ZNF790: variants seen among roughly 807,000 people sequenced by gnomAD.
The protein encoded by ZNF790 is zinc finger protein 790.
ZNF790 carries 8 observed loss-of-function variants against 12.1 expected under a neutral mutation model. The observed-to-expected ratio is 0.66, with a 90% CI of 0.39 to 1.19. ZNF790 has a LOEUF of 1.19. ZNF790 is among the 50% of genes most tolerant of loss of function. ZNF790 has a pLI of 0.01. For synonymous variants in ZNF790, 252 were observed against 244.3 expected, an observed-to-expected ratio of 1.03 and a Z score of -0.29; for missense variants, 707 against 752.2, an observed-to-expected ratio of 0.94 and a Z score of 0.70.
chr19:36,827,141 C>CACACACACACACACACACAT (rs1313807327), intron 1 of ZNF790, among the ~76,000 whole-genome samples: 2 of 84,444 alleles, frequency 2.4e-5, no homozygotes, highest in African/African-American at 5.5e-5. Flanking sequence ...CACACACACA[C>CACACACACACACACACACAT]ATATATATAT....
upstream of ZNF790, among the ~76,000 whole-genome samples, chr19:36,843,146 A>G (rs2072145429): frequency 6.6e-6 from 1 of 152,222 alleles, no homozygotes; most frequent in Admixed American, 6.5e-5. Flanking sequence ...CAAAGGGCAG[A>G]AGGATCCAGA....
chr19:36,833,341 C>G (rs937065845), intron 1 of ZNF790, among the ~76,000 whole-genome samples: 1 of 152,168 alleles, frequency 6.6e-6, no homozygotes, highest in Non-Finnish European at 1.5e-5. Context: ...CAGAGTTTCA[C>G]CATATTGGTC....
At chr19:36,850,318 G>A (rs1043336225), upstream of ZNF790, 1 of 152,330 alleles carries the variant, frequency 6.6e-6, no homozygotes, top group Non-Finnish European at 1.5e-5. Context: ...TATGTCTCCC[G>A]AGGAGGGGCG....
intron 1 of ZNF790, among the ~76,000 whole-genome samples, chr19:36,835,288 A>C (rs1568341340): frequency 7.2e-6 from 1 of 139,114 alleles, no homozygotes; most frequent in Non-Finnish European, 1.5e-5. Context: ...CTCAAAAAAA[A>C]TAAAATAAAA....
chr19:36,842,360 A>G (rs1286749435), upstream of ZNF790, among the ~76,000 whole-genome samples: 2 of 152,190 alleles, frequency 1.3e-5, no homozygotes, highest in African/African-American at 4.8e-5. Flanking sequence ...ATATTATAAA[A>G]TGTGCCTATA....
At position 36,819,400 on chromosome 19, in the gene ZNF790, C is replaced by T. The variant is rs755466621; in HGVS notation, c.944G>A (p.Cys315Tyr). 4.1e-5 allele frequency: 66 copies of T among 1,612,152 alleles called. No homozygotes were observed. The highest frequency in any genetic ancestry group is 5.2e-5 in the Non-Finnish European group (61 of 1,179,112). ...TGATCGCTGACTAAAGGCCTTTCTA[C>T]ATTCATTACATTCATAGGGTTTTTC... The part of the protein sequence containing the change: ...TGEKPYECNE[C>Y]RKAFSQRSHL... Residue 315 changes from cysteine (C) to tyrosine (Y), a missense_variant, in exon 5 of 5, where the codon TGT becomes TAT. Coordinates refer to ENST00000356725, the MANE Select transcript of ZNF790 (RefSeq NM_206894.4).
intron 2 of ZNF790, among the ~76,000 whole-genome samples, chr19:36,824,083 G>A (rs1243799682): frequency 1.4e-5 from 2 of 143,094 alleles, no homozygotes; most frequent in Non-Finnish European, 3.0e-5. Flanking sequence ...TGCAAGCTCC[G>A]CCTCCCGGGT....
chr19:36,825,004 A>G (rs1225737590), intron 2 of ZNF790, among the ~76,000 whole-genome samples: 1 of 152,050 alleles, frequency 6.6e-6, no homozygotes, highest in Non-Finnish European at 1.5e-5. Flanking sequence ...TCAGTGTCAT[A>G]AGTGATTACT....
At chr19:36,843,312 G>A (rs1460074944), upstream of ZNF790, among the ~76,000 whole-genome samples, 2 of 152,190 alleles carry the variant, frequency 1.3e-5, no homozygotes, top group Non-Finnish European at 2.9e-5. Flanking sequence ...GTTGGGTCAG[G>A]AGGCTCAGGA....
At chr19:36,829,492 C>G (rs1342539212) in intron 1 of ZNF790, among the ~76,000 whole-genome samples, 2 of 152,218 alleles carry the variant, frequency 1.3e-5, no homozygotes, top group African/African-American at 4.8e-5. Flanking sequence ...TGAATAATAT[C>G]TCTGCAAATG....
chr19:36,832,470 A>G (rs2071961533), intron 1 of ZNF790, among the ~76,000 whole-genome samples: 1 of 152,162 alleles, frequency 6.6e-6, no homozygotes, highest in Admixed American at 6.6e-5. Flanking sequence ...CTCTGGAGAA[A>G]ACCAGTTGAC....
upstream of ZNF790, among the ~76,000 whole-genome samples, chr19:36,839,254 G>A (rs1356214243): frequency 6.6e-6 from 1 of 152,086 alleles, no homozygotes; most frequent in Non-Finnish European, 1.5e-5. Context: ...AACTTATCAG[G>A]TAACTAAAAT....
At position 36,820,888 on chromosome 19, in the gene ZNF790, C is replaced by CTG. The variant is rs1209190226; in HGVS notation, c.230-776_230-775dup. ...CCAGCATGGGTGACAGAGTGAGACC[C>CTG]TGTCTTTTTTTTTTTTTTTTTTTTA... On this transcript the variant is annotated intron_variant, in intron 4 of 4. Coordinates refer to ENST00000356725, the MANE Select transcript of ZNF790 (RefSeq NM_206894.4). 1.2e-3 allele frequency among the ~76,000 whole-genome samples: 154 copies of CTG among 128,526 alleles called. 1 individual carries two copies. The highest frequency in any genetic ancestry group is 2.1e-3 in the African/African-American group (69 of 32,804). The allele number at this position is 128,526 out of a possible 152,430, so 84.3% of individuals were successfully genotyped here. A position where few individuals can be genotyped will look rare whatever the true frequency, so the allele number is the denominator to read the frequency against.
chr19:36,823,005 A>G (rs2071709910), intron 4 of ZNF790, among the ~76,000 whole-genome samples: 1 of 151,874 alleles, frequency 6.6e-6, no homozygotes, highest in Admixed American at 6.6e-5. Context: ...GCACGCCGAC[A>G]TGCCTGGCTA....
At chr19:36,828,519 C>CA (rs2071879914) in intron 1 of ZNF790, among the ~76,000 whole-genome samples, 1 of 151,822 alleles carries the variant, frequency 6.6e-6, no homozygotes, top group African/African-American at 2.4e-5. Flanking sequence ...AACTGTCAGT[C>CA]ATGCTGGAGT....
At chr19:36,848,603 A>G (rs1443679058) in intron 1 of ZNF790, among the ~76,000 whole-genome samples, 3 of 152,162 alleles carry the variant, frequency 2.0e-5, no homozygotes, top group Non-Finnish European at 2.9e-5. Context: ...GCTTGCCTGT[A>G]TAGTCCAAAT....
At chr19:36,841,147 A>G (rs1401434755), upstream of ZNF790, among the ~76,000 whole-genome samples, 2 of 152,218 alleles carry the variant, frequency 1.3e-5, no homozygotes, top group Non-Finnish European at 2.9e-5. Flanking sequence ...GGTAGTCACA[A>G]CTGGAGAGGT....
upstream of ZNF790, among the ~76,000 whole-genome samples, chr19:36,840,005 G>A (rs2072115711): frequency 1.3e-5 from 2 of 152,120 alleles, no homozygotes; most frequent in Admixed American, 1.3e-4. Flanking sequence ...AGAGGTTGCA[G>A]TGAACCAAGA....
At chr19:36,841,167 A>C (rs1041121645), upstream of ZNF790, among the ~76,000 whole-genome samples, 1 of 152,230 alleles carries the variant, frequency 6.6e-6, no homozygotes, top group South Asian at 2.1e-4. Flanking sequence ...TACAATTTGC[A>C]TTTAGAGGAC....
Sources: gnomAD v4.1 joint callset for allele counts (sites outside exome capture counted in the v4.1 genomes callset) on GRCh38, gnomAD v4.1.1 for gene constraint, MANE v1.5 for transcripts, NCBI Gene and HGNC (gene_info 2026-07-23, HGNC 2026-07-21) for gene names.